CTNNA3: variants seen among roughly 807,000 people sequenced by gnomAD.
CTNNA3 encodes catenin alpha 3, also known as catenin alpha-3.
Under a neutral mutation model 95.7 loss-of-function variants are expected in CTNNA3, and 76 were observed. The ratio of observed to expected loss-of-function variants is 0.79; its 90% confidence interval spans 0.66 to 0.96. The LOEUF is 0.96. Ranked by LOEUF, CTNNA3 falls within the 40% of genes least tolerant of loss-of-function variation. CTNNA3 has a pLI of 0.00. For synonymous variants in CTNNA3, 431 were observed against 374.4 expected, an observed-to-expected ratio of 1.15 and a Z score of -1.74; for missense variants, 1,191 against 1,089.8, an observed-to-expected ratio of 1.09 and a Z score of -1.31.
chr10:66,527,923 A>T (rs942280230), intron 10 of CTNNA3, among the ~76,000 whole-genome samples: 1 of 152,114 alleles, frequency 6.6e-6, no homozygotes, highest in Non-Finnish European at 1.5e-5. Context: ...CCACCAAAAA[A>T]ATATATAAGT....
At chr10:66,199,496 T>C (rs2087179227) in intron 13 of CTNNA3, among the ~76,000 whole-genome samples, 1 of 151,806 alleles carries the variant, frequency 6.6e-6, no homozygotes, top group African/African-American at 2.4e-5. Flanking sequence ...TTCAGTGCTA[T>C]GTATGTATGG....
intron 11 of CTNNA3, among the ~76,000 whole-genome samples, chr10:66,438,559 T>C (rs1589250972): frequency 6.6e-6 from 1 of 152,254 alleles, no homozygotes; most frequent in South Asian, 2.1e-4. Context: ...CACACCAAGC[T>C]GGAGCATCCC....
chr10:66,700,773 G>A (rs1847917701), intron 9 of CTNNA3, among the ~76,000 whole-genome samples: 1 of 152,050 alleles, frequency 6.6e-6, no homozygotes, highest in Non-Finnish European at 1.5e-5. Context: ...TGCAAAATGA[G>A]CATTAAAAAT....
intron 5 of CTNNA3, among the ~76,000 whole-genome samples, chr10:67,305,084 T>G (rs147755074): frequency 0.025 from 3,811 of 152,054 alleles, 46 homozygotes; most frequent in Non-Finnish European, 0.034. Context: ...AGACCATCCT[T>G]GCTAACACAG....
chr10:67,558,197 TG>T (rs1368701576), intron 3 of CTNNA3, among the ~76,000 whole-genome samples: 1 of 152,204 alleles, frequency 6.6e-6, no homozygotes, highest in African/African-American at 2.4e-5. Flanking sequence ...AGAAGAGCCT[TG>T]GAAATGTATT....
At chr10:67,597,821 GA>G (rs760271558) in intron 3 of CTNNA3, among the ~76,000 whole-genome samples, 4 of 152,164 alleles carry the variant, frequency 2.6e-5, no homozygotes, top group Non-Finnish European at 4.4e-5. Context: ...AGGTTTATAG[GA>G]AGAGGCTGCA....
chr10:67,264,184 A>T (rs774368462), intron 5 of CTNNA3, among the ~76,000 whole-genome samples: 1 of 152,152 alleles, frequency 6.6e-6, no homozygotes, highest in Non-Finnish European at 1.5e-5. Flanking sequence ...TGATCCAGAT[A>T]GACCCATTTT....
chr10:66,418,929 G>A (rs1410859424), intron 11 of CTNNA3, among the ~76,000 whole-genome samples: 1 of 152,032 alleles, frequency 6.6e-6, no homozygotes, highest in Non-Finnish European at 1.5e-5. Context: ...TACTGAATGG[G>A]GAAAAGTTTG....
chr10:66,455,704 C>A (rs1051916455), intron 11 of CTNNA3, among the ~76,000 whole-genome samples: 1 of 152,184 alleles, frequency 6.6e-6, no homozygotes, highest in Non-Finnish European at 1.5e-5. Flanking sequence ...TGCTCAGGCT[C>A]TGGGTTAGTG....
chr10:67,529,581 A>C (rs2133178937), intron 4 of CTNNA3, among the ~76,000 whole-genome samples: 1 of 151,818 alleles, frequency 6.6e-6, no homozygotes, highest in South Asian at 2.1e-4. Context: ...AGCATGGCAC[A>C]TGTATACATA....
chr10:66,332,627 G>A (rs1036791495), intron 12 of CTNNA3, among the ~76,000 whole-genome samples: 23 of 152,122 alleles, frequency 1.5e-4, no homozygotes, highest in African/African-American at 5.5e-4. Flanking sequence ...TATTTGGTTT[G>A]CCAGTATTTT....
intron 7 of CTNNA3, among the ~76,000 whole-genome samples, chr10:67,075,420 G>C (rs1031298439): frequency 3.3e-5 from 5 of 152,156 alleles, no homozygotes; most frequent in African/African-American, 1.2e-4. Flanking sequence ...AGAGGTAAAT[G>C]AGAGCAGAGT....
At chr10:65,951,812 G>A (rs905056525) in intron 17 of CTNNA3, among the ~76,000 whole-genome samples, 2 of 152,124 alleles carry the variant, frequency 1.3e-5, no homozygotes, top group African/African-American at 4.8e-5. Context: ...AGCGGACCAC[G>A]AGGTCAGGAG....
chr10:67,359,998 G>A (rs1325984098), intron 5 of CTNNA3, among the ~76,000 whole-genome samples: 1 of 152,136 alleles, frequency 6.6e-6, no homozygotes, highest in African/African-American at 2.4e-5. Flanking sequence ...GCTAACAGCA[G>A]ACTTCTCAGT....
rs202178965 is a variant in CTNNA3 at position 66,304,284 on chromosome 10, T to C, written c.1733-23663A>G. Among the ~76,000 whole-genome samples the C allele has an allele frequency of 1.1e-4, 16 of 152,224 alleles. No homozygotes were observed. The East Asian group carries it at 2.1e-3, about 20-fold the overall frequency. On this transcript the variant is annotated intron_variant, in intron 12 of 17. Transcript: ENST00000433211. The stretch of plus-strand genomic sequence containing the variant: ...GTTGTTAAACATCTGAACTCCTCCT[T>C]CACTCCTCGCTGAAGTAGAAAATCA...
chr10:66,350,985 C>G (rs1359332809), intron 12 of CTNNA3, among the ~76,000 whole-genome samples: 1 of 151,906 alleles, frequency 6.6e-6, no homozygotes, highest in Non-Finnish European at 1.5e-5. Context: ...TTAGTGATTT[C>G]CTAGTAAACA....
At chr10:66,943,894 C>A in intron 7 of CTNNA3, among the ~76,000 whole-genome samples, 1 of 152,156 alleles carries the variant, frequency 6.6e-6, no homozygotes, top group African/African-American at 2.4e-5. Context: ...TTTAAAAATA[C>A]TTTATTGCTA....
chr10:66,676,808 TAATA>T (rs1846872798), intron 9 of CTNNA3, among the ~76,000 whole-genome samples: 1 of 152,146 alleles, frequency 6.6e-6, no homozygotes, highest in Non-Finnish European at 1.5e-5. Context: ...AGTCAATAGT[TAATA>T]AACATTCTGG....
intron 7 of CTNNA3, among the ~76,000 whole-genome samples, chr10:67,149,032 A>G (rs953740608): frequency 6.6e-6 from 1 of 152,212 alleles, no homozygotes; most frequent in African/African-American, 2.4e-5. Flanking sequence ...ACCATTGTTA[A>G]CAACACTCAG....
Sources: allele counts gnomAD v4.1 joint callset (sites outside exome capture counted in the v4.1 genomes callset), GRCh38; gene constraint gnomAD v4.1.1; transcripts MANE v1.5; gene names NCBI Gene and HGNC (gene_info 2026-07-23, HGNC 2026-07-21).